CACNA2D3: variants seen among roughly 807,000 people sequenced by gnomAD.
CACNA2D3 encodes the protein voltage-dependent calcium channel subunit alpha-2/delta-3.
Under a neutral mutation model 160.6 loss-of-function variants are expected in CACNA2D3, and 60 were observed. The observed-to-expected ratio is 0.37, with a 90% CI of 0.30 to 0.46. CACNA2D3 has a LOEUF of 0.46. Among genes scored for constraint, CACNA2D3 ranks in the 20% least tolerant of loss-of-function variants. The pLI is 1.00. For missense variants in CACNA2D3, 1,205 were observed against 1,365.0 expected (o/e 0.88, Z 1.85); for synonymous variants, 558 against 492.9 (o/e 1.13, Z -1.75).
chr3:55,027,202 TA>T (rs1703581396), intron 35 of CACNA2D3, among the ~76,000 whole-genome samples: 1 of 152,338 alleles, frequency 6.6e-6, no homozygotes, highest in East Asian at 1.9e-4. Context: ...TTATACAATA[TA>T]AAAAAGGACC....
intron 31 of CACNA2D3, among the ~76,000 whole-genome samples, chr3:54,993,341 A>G (rs1166934085): frequency 1.3e-5 from 2 of 152,218 alleles, no homozygotes; most frequent in Non-Finnish European, 2.9e-5. Context: ...ATGAAAAAGC[A>G]AAGGCTCTTC....
intron 4 of CACNA2D3, among the ~76,000 whole-genome samples, chr3:54,404,972 G>C (rs1352933941): frequency 8.2e-6 from 1 of 121,266 alleles, no homozygotes; most frequent in Non-Finnish European, 1.7e-5. Context: ...AAATTGAAGA[G>C]TACACTGAAA....
intron 35 of CACNA2D3, among the ~76,000 whole-genome samples, chr3:55,053,246 A>G (rs1704273006): frequency 6.6e-6 from 1 of 152,042 alleles, no homozygotes; most frequent in Non-Finnish European, 1.5e-5. Context: ...TGTAAATGGA[A>G]TCATACAGTA....
At chr3:54,367,543 G>C (rs1459466066) in intron 3 of CACNA2D3, 1 of 323,222 alleles carries the variant, frequency 3.1e-6, no homozygotes, top group Non-Finnish European at 6.2e-6. Flanking sequence ...GGGCTCATGA[G>C]GAATGAAACC....
At chr3:54,851,345 T>C (rs1699053907) in intron 17 of CACNA2D3, among the ~76,000 whole-genome samples, 1 of 152,208 alleles carries the variant, frequency 6.6e-6, no homozygotes, top group Admixed American at 6.5e-5. Flanking sequence ...CTGTGAGTAC[T>C]GGGCTGAGCA....
intron 2 of CACNA2D3, among the ~76,000 whole-genome samples, chr3:54,128,152 G>T (rs7632113): frequency 0.38 from 57,582 of 151,858 alleles, 11,157 homozygotes; most frequent in East Asian, 0.6. Flanking sequence ...CATGGTGATC[G>T]CATGCTGATT....
Position 54,799,393 on chromosome 3 carries a change from A to G in CACNA2D3, c.1381-17460A>G, listed in dbSNP as rs549271861. 3.9e-5 allele frequency among the ~76,000 whole-genome samples: 6 copies of G among 152,290 alleles called. 1 individual carries two copies. The South Asian group carries it at 1.2e-3, about 32-fold the overall frequency. On this transcript the variant is annotated intron_variant, in intron 13 of 37. Transcript: ENST00000474759. Reference sequence around the variant, plus strand: ...ACTCTTCCCACTGCAGACATGGAGGATGACTGAAGATTTTGTTCACTTTCC... The same window carrying G: ...ACTCTTCCCACTGCAGACATGGAGGGTGACTGAAGATTTTGTTCACTTTCC...
At chr3:54,672,480 C>T (rs77772879) in intron 11 of CACNA2D3, among the ~76,000 whole-genome samples, 2,519 of 152,278 alleles carry the variant, frequency 0.017, 57 homozygotes, top group African/African-American at 0.055. Flanking sequence ...CTTGTATCCA[C>T]ACTTCTCTGA....
rs1320716398 is a variant in CACNA2D3, at chr3:54,151,801, C to T, written c.204+28207C>T. On this transcript the variant is annotated intron_variant, in intron 2 of 37. Coordinates refer to ENST00000474759, the MANE Select transcript of CACNA2D3 (RefSeq NM_018398.3). ...TGTCATACACAAAGCTACCTTCAGC[C>T]GCCTTTTCTGGACTCCGTCTCCATT... 2.0e-5 allele frequency among the ~76,000 whole-genome samples: 3 copies of T among 152,288 alleles called. No homozygotes were observed. The East Asian group carries it at 5.8e-4, about 29-fold the overall frequency.
chr3:54,278,723 C>G (rs999965957), intron 2 of CACNA2D3, among the ~76,000 whole-genome samples: 4 of 152,074 alleles, frequency 2.6e-5, no homozygotes, highest in African/African-American at 9.7e-5. Context: ...TCTCAGCAAA[C>G]TAACACAGGA....
intron 14 of CACNA2D3, among the ~76,000 whole-genome samples, chr3:54,822,790 C>CTTTCTTTCCTTTCTTTCTTTCTTTCTTT (rs1491160047): frequency 6.9e-5 from 5 of 71,956 alleles, no homozygotes; most frequent in Non-Finnish European, 1.1e-4. Flanking sequence ...TTCTTTCTTT[C>CTTTCTTTCCTTTCTTTCTTTCTTTCTTT]CTTTCTTTCT....
chr3:54,564,751 C>G (rs1702382323), intron 6 of CACNA2D3, among the ~76,000 whole-genome samples: 1 of 152,192 alleles, frequency 6.6e-6, no homozygotes, highest in Non-Finnish European at 1.5e-5. Context: ...AAAGAGGTCT[C>G]TGCCCTCATC....
chr3:54,656,302 A>G (rs945238651), intron 11 of CACNA2D3, among the ~76,000 whole-genome samples: 1 of 152,132 alleles, frequency 6.6e-6, no homozygotes, highest in African/African-American at 2.4e-5. Context: ...CCCTTGGCAA[A>G]ACTCTCCCAG....
chr3:54,780,736 T>C (rs949325673), intron 13 of CACNA2D3, among the ~76,000 whole-genome samples: 1 of 152,200 alleles, frequency 6.6e-6, no homozygotes, highest in Non-Finnish European at 1.5e-5. Flanking sequence ...CTTGATAGAA[T>C]GGTAGTGAGT....
At chr3:54,564,450 T>C (rs1340972718) in intron 6 of CACNA2D3, among the ~76,000 whole-genome samples, 1 of 152,202 alleles carries the variant, frequency 6.6e-6, no homozygotes, top group African/African-American at 2.4e-5. Context: ...TGGGCCGCAG[T>C]CCACCAAGGT....
At chr3:54,664,848 G>A (rs1408744859) in intron 11 of CACNA2D3, among the ~76,000 whole-genome samples, 2 of 152,160 alleles carry the variant, frequency 1.3e-5, no homozygotes, top group Non-Finnish European at 2.9e-5. Flanking sequence ...GGAGGTGGAG[G>A]CTCTGGCTGT....
intron 27 of CACNA2D3, chr3:54,925,098 G>T (rs747423320): frequency 1.2e-6 from 2 of 1,613,928 alleles, no homozygotes; most frequent in Non-Finnish European, 1.7e-6. Context: ...AGGGATTTCG[G>T]CCAGACCCTG....
Position 54,249,512 on chromosome 3 carries a change from G to A in CACNA2D3, c.205-70930G>A, listed in dbSNP as rs186816050. ...GGCTACATTTGAACTTGCCAGTCTC[G>A]GTAATTGTGAGAACCAGTTCCTTAG... On this transcript the variant is annotated intron_variant, in intron 2 of 37. Coordinates refer to ENST00000474759, the MANE Select transcript of CACNA2D3 (RefSeq NM_018398.3). Among the ~76,000 whole-genome samples, 398 of 144,084 alleles carry A rather than the reference G, an allele frequency of 2.8e-3. 14 individuals carry two copies. Among genetic ancestry groups the A allele is most frequent in the Admixed American group, 0.026 (373 of 14,208 alleles). 94.5% of individuals were successfully genotyped at this position (144,084 alleles called of 152,430 possible). A position where few individuals can be genotyped will look rare whatever the true frequency, so the allele number is the denominator to read the frequency against.
intron 27 of CACNA2D3, among the ~76,000 whole-genome samples, chr3:54,917,291 T>C (rs1427926699): frequency 6.6e-6 from 1 of 152,226 alleles, no homozygotes; most frequent in Admixed American, 6.5e-5. Context: ...CATGCAACTC[T>C]TCAAGACCAT....
Sources: gnomAD v4.1 joint callset for allele counts (sites outside exome capture counted in the v4.1 genomes callset) on GRCh38, gnomAD v4.1.1 for gene constraint, MANE v1.5 for transcripts, NCBI Gene and HGNC (gene_info 2026-07-23, HGNC 2026-07-21) for gene names.